TRAPPC9: variants seen among roughly 807,000 people sequenced by gnomAD.
TRAPPC9 encodes the protein IKK2 binding protein.
TRAPPC9 carries 83 observed loss-of-function variants against 124.0 expected under a neutral mutation model. The ratio of observed to expected loss-of-function variants is 0.67; its 90% CI spans 0.56 to 0.80. TRAPPC9 has a LOEUF of 0.80. Among genes scored for constraint, TRAPPC9 ranks in the 30% least tolerant of loss-of-function variants. TRAPPC9 has a pLI of 0.00. For synonymous variants in TRAPPC9, 638 were observed against 617.5 expected, an observed-to-expected ratio of 1.03 and a Z score of -0.49; for missense variants, 1,302 against 1,508.3, an observed-to-expected ratio of 0.86 and a Z score of 2.27.
chr8:140,281,520 T>C (rs542270340), intron 14 of TRAPPC9, among the ~76,000 whole-genome samples: 1 of 152,362 alleles, frequency 6.6e-6, no homozygotes, highest in East Asian at 1.9e-4. Flanking sequence ...TTATCAGATA[T>C]TTAATATGCA....
chr8:140,208,803 G>C (rs1023271024), intron 17 of TRAPPC9, among the ~76,000 whole-genome samples: 13 of 152,336 alleles, frequency 8.5e-5, no homozygotes, highest in African/African-American at 3.1e-4. Flanking sequence ...ACATGGGTCT[G>C]AGTTGAGCAG....
intron 19 of TRAPPC9, among the ~76,000 whole-genome samples, chr8:139,969,875 T>C (rs544029488): frequency 2.0e-4 from 30 of 152,352 alleles, no homozygotes; most frequent in South Asian, 1.4e-3. Context: ...ATGACTCCAT[T>C]ATGTCAGCCT....
At chr8:140,348,055 A>C (rs1248541619) in intron 9 of TRAPPC9, among the ~76,000 whole-genome samples, 3 of 152,232 alleles carry the variant, frequency 2.0e-5, no homozygotes, top group African/African-American at 7.2e-5. Context: ...AAGGGCATTC[A>C]CTCAGATGAC....
intron 21 of TRAPPC9, among the ~76,000 whole-genome samples, chr8:139,738,867 T>C (rs1818375197): frequency 6.6e-6 from 1 of 152,162 alleles, no homozygotes; most frequent in African/African-American, 2.4e-5. Context: ...TGCACAGCTC[T>C]CTGAGCCTCG....
At chr8:139,799,314 C>A (rs1291570562) in intron 21 of TRAPPC9, among the ~76,000 whole-genome samples, 5 of 152,142 alleles carry the variant, frequency 3.3e-5, no homozygotes, top group Admixed American at 3.3e-4. Flanking sequence ...ATCACATCTG[C>A]AAAGATCCAC....
At chr8:139,872,175 A>G (rs1161766764) in intron 21 of TRAPPC9, among the ~76,000 whole-genome samples, 35 of 73,954 alleles carry the variant, frequency 4.7e-4, no homozygotes, top group South Asian at 1.5e-3. Flanking sequence ...TGGATGGATG[A>G]GTGGGCTGGT....
At chr8:140,207,419 C>A (rs1357109803) in intron 17 of TRAPPC9, among the ~76,000 whole-genome samples, 1 of 152,208 alleles carries the variant, frequency 6.6e-6, no homozygotes, top group African/African-American at 2.4e-5. Context: ...AATGTCCTTA[C>A]CCAAAGCAAA....
At chr8:140,398,855 T>A (rs1588282925) in intron 6 of TRAPPC9, among the ~76,000 whole-genome samples, 1 of 152,100 alleles carries the variant, frequency 6.6e-6, no homozygotes, top group African/African-American at 2.4e-5. Flanking sequence ...ATGGGGAAAA[T>A]GTCAGAGGTC....
At chr8:140,342,658 C>T (rs1448886865) in intron 9 of TRAPPC9, among the ~76,000 whole-genome samples, 3 of 152,052 alleles carry the variant, frequency 2.0e-5, no homozygotes, top group Non-Finnish European at 4.4e-5. Context: ...TTCTCCCCAG[C>T]CCAGTGAAAA....
chr8:140,255,364 C>T (rs2064227296), intron 15 of TRAPPC9, among the ~76,000 whole-genome samples: 1 of 152,192 alleles, frequency 6.6e-6, no homozygotes, highest in Non-Finnish European at 1.5e-5. Context: ...GAAGACTTGG[C>T]ATATTATACA....
chr8:140,381,408 C>T (rs1358759187), intron 7 of TRAPPC9, among the ~76,000 whole-genome samples: 2 of 151,986 alleles, frequency 1.3e-5, no homozygotes, highest in East Asian at 3.9e-4. Flanking sequence ...TGGCTCGCGC[C>T]TGTAATTCCA....
intron 17 of TRAPPC9, among the ~76,000 whole-genome samples, chr8:140,025,039 C>T (rs1054816201): frequency 2.0e-5 from 3 of 152,114 alleles, no homozygotes; most frequent in Non-Finnish European, 2.9e-5. Flanking sequence ...CAGTGAGAGG[C>T]GAAGAACAGA....
chr8:139,906,033 G>C (rs994763738), intron 20 of TRAPPC9, among the ~76,000 whole-genome samples: 2 of 152,060 alleles, frequency 1.3e-5, no homozygotes, highest in Non-Finnish European at 2.9e-5. Context: ...GGCGGAGATT[G>C]CAGTGAGCCA....
chr8:140,239,924 G>A (rs2063819685), intron 16 of TRAPPC9, among the ~76,000 whole-genome samples: 1 of 152,184 alleles, frequency 6.6e-6, no homozygotes, highest in African/African-American at 2.4e-5. Flanking sequence ...ATTTTCAAGA[G>A]CAGTAGCAGA....
intron 21 of TRAPPC9, 79 bp downstream of exon 21, chr8:139,885,800 C>T (rs888722446): frequency 2.1e-6 from 3 of 1,400,184 alleles, no homozygotes; most frequent in South Asian, 1.2e-5. Context: ...CCCAGCCACA[C>T]CCCCCAAGAC....
chr8:140,207,572 T>C (rs1183042076), intron 17 of TRAPPC9, among the ~76,000 whole-genome samples: 2 of 152,236 alleles, frequency 1.3e-5, no homozygotes, highest in African/African-American at 4.8e-5. Flanking sequence ...CTGAACGCAC[T>C]GGTGGCGGCT....
At chr8:140,230,566 C>T (rs1193949638) in intron 16 of TRAPPC9, among the ~76,000 whole-genome samples, 1 of 151,692 alleles carries the variant, frequency 6.6e-6, no homozygotes, top group African/African-American at 2.4e-5. Flanking sequence ...GAGCCAAGAT[C>T]GGGCCACTGC....
At chr8:140,423,611 T>C (rs1028839403) in intron 5 of TRAPPC9, among the ~76,000 whole-genome samples, 21 of 83,180 alleles carry the variant, frequency 2.5e-4, no homozygotes, top group African/African-American at 6.0e-4. Flanking sequence ...CACACACACA[T>C]CACATATATA....
At chr8:139,753,962 T>A (rs1220168528) in intron 21 of TRAPPC9, among the ~76,000 whole-genome samples, 1 of 152,246 alleles carries the variant, frequency 6.6e-6, no homozygotes, top group African/African-American at 2.4e-5. Flanking sequence ...TCCTGCTCCT[T>A]GGCACAGAGC....
Sources: allele counts gnomAD v4.1 joint callset (sites outside exome capture counted in the v4.1 genomes callset), GRCh38; gene constraint gnomAD v4.1.1; transcripts MANE v1.5; gene names NCBI Gene and HGNC (gene_info 2026-07-23, HGNC 2026-07-21).